Variants in JAM3 observed in about 807,000 individuals in gnomAD.
JAM3 encodes the protein junctional adhesion molecule C.
In JAM3, 31 loss-of-function variants were observed where a neutral mutation model predicts 39.4. The observed-to-expected ratio is 0.79, with a 90% CI of 0.59 to 1.06. JAM3 has a LOEUF of 1.06. Among genes scored for constraint, JAM3 ranks in the 50% least tolerant of loss-of-function variants. The pLI, the probability that JAM3 is intolerant of heterozygous loss-of-function variation, is 0.00. For synonymous variants in JAM3, 182 were observed against 148.7 expected, an observed-to-expected ratio of 1.22 and a Z score of -1.63; for missense variants, 455 against 391.4, an observed-to-expected ratio of 1.16 and a Z score of -1.37.
intron 1 of JAM3, among the ~76,000 whole-genome samples, chr11:134,117,919 G>T (rs1031228886): frequency 1.2e-4 from 18 of 152,194 alleles, no homozygotes; most frequent in Admixed American, 2.6e-4. Flanking sequence ...CTGGATGGGG[G>T]TTAATGCAGA....
chr11:134,121,849 A>ACACC (rs1942539418), intron 1 of JAM3, among the ~76,000 whole-genome samples: 8 of 151,760 alleles, frequency 5.3e-5, no homozygotes, highest in African/African-American at 1.9e-4. Flanking sequence ...ACACACACAC[A>ACACC]CACCCTCCTC....
chr11:134,101,823 T>G (rs1213482217), intron 1 of JAM3, among the ~76,000 whole-genome samples: 1 of 152,190 alleles, frequency 6.6e-6, no homozygotes, highest in African/African-American at 2.4e-5. Context: ...TCCTAGTATT[T>G]TGGGGGGCTG....
intron 2 of JAM3, 24 bp downstream of exon 2, chr11:134,139,940 G>C (rs2120853719): frequency 6.4e-7 from 1 of 1,551,618 alleles, no homozygotes; most frequent in East Asian, 2.2e-5. Context: ...AAATGCCTAG[G>C]ATAATGGGCA....
chr11:134,112,920 A>T (rs1220853525), intron 1 of JAM3, among the ~76,000 whole-genome samples: 1 of 152,168 alleles, frequency 6.6e-6, no homozygotes, highest in Non-Finnish European at 1.5e-5. Flanking sequence ...ACCAAAGAGA[A>T]AGTTATATAT....
At chr11:134,101,855 T>TCAGGAGTTTGAGACTA (rs1290619553) in intron 1 of JAM3, among the ~76,000 whole-genome samples, 3 of 152,060 alleles carry the variant, frequency 2.0e-5, no homozygotes, top group African/African-American at 7.2e-5. Flanking sequence ...TTGCCTGAGG[T>TCAGGAGTTTGAGACTA]CAGGAGTTTG....
At chr11:134,115,392 T>A (rs1267910127) in intron 1 of JAM3, among the ~76,000 whole-genome samples, 3 of 151,314 alleles carry the variant, frequency 2.0e-5, no homozygotes, top group Non-Finnish European at 4.4e-5. Context: ...GTCTTTTCTC[T>A]TGCATTTGTT....
chr11:134,143,138 T>C (rs1943005726), intron 3 of JAM3, among the ~76,000 whole-genome samples: 2 of 152,184 alleles, frequency 1.3e-5, no homozygotes, highest in African/African-American at 2.4e-5. Context: ...AGTCTTACAG[T>C]AGTTGCATGT....
At chr11:134,122,276 G>T (rs1450976776) in intron 1 of JAM3, among the ~76,000 whole-genome samples, 2 of 152,188 alleles carry the variant, frequency 1.3e-5, no homozygotes, top group Non-Finnish European at 2.9e-5. Context: ...GCTCTGCACA[G>T]CAAATTCCAG....
chr11:134,129,725 G>A (rs1484137401), intron 1 of JAM3, among the ~76,000 whole-genome samples: 2 of 152,234 alleles, frequency 1.3e-5, no homozygotes, highest in Non-Finnish European at 2.9e-5. Flanking sequence ...TAAGAGGCCA[G>A]GCGTGATGGC....
At chr11:134,148,853 C>T (rs539233593) in intron 8 of JAM3, 35 bp downstream of exon 8, 1 of 1,604,574 alleles carries the variant, frequency 6.2e-7, no homozygotes, top group Non-Finnish European at 8.5e-7. Context: ...CCTAGGTGTA[C>T]CCAGCAGGGA....
At chr11:134,127,237 G>T (rs866041634) in intron 1 of JAM3, among the ~76,000 whole-genome samples, 1 of 152,128 alleles carries the variant, frequency 6.6e-6, no homozygotes, top group African/African-American at 2.4e-5. Context: ...CCACATCATC[G>T]GTTGTAAATT....
intron 8 of JAM3, 111 bp downstream of exon 8, chr11:134,148,929 C>G: frequency 9.1e-7 from 1 of 1,099,296 alleles, no homozygotes; most frequent in Admixed American, 1.9e-5. Context: ...TTGTGCAGCT[C>G]CTGAGCTCCT....
At position 134,151,509 on chromosome 11, in the gene JAM3, G is replaced by A. The variant is rs977643638; in HGVS notation, c.*2328G>A. Reference sequence around the variant, plus strand: ...TCTACACTAGTGCCATGGGAACCAGGTCTGAAAAAGTAGAGAGAAGTGAAA... The same window carrying A: ...TCTACACTAGTGCCATGGGAACCAGATCTGAAAAAGTAGAGAGAAGTGAAA... On this transcript the variant is annotated 3_prime_UTR_variant, in exon 9 of 9. Coordinates refer to ENST00000299106, the MANE Select transcript of JAM3 (RefSeq NM_032801.5). The A allele has an allele frequency of 6.6e-6, 1 of 152,192 alleles. No homozygotes were observed. Among genetic ancestry groups the A allele is most frequent in the Non-Finnish European group, 1.5e-5 (1 of 68,038 alleles). 9.4% of individuals were successfully genotyped at this position (152,192 alleles called of 1,614,324 possible).
intron 1 of JAM3, among the ~76,000 whole-genome samples, chr11:134,099,395 C>T (rs966851133): frequency 2.0e-5 from 3 of 152,054 alleles, no homozygotes; most frequent in African/African-American, 7.2e-5. Flanking sequence ...TTTTTCTCTC[C>T]TACTCCTCAC....
intron 1 of JAM3, among the ~76,000 whole-genome samples, chr11:134,108,403 GA>G (rs550838316): frequency 8.7e-4 from 132 of 152,094 alleles, no homozygotes; most frequent in African/African-American, 3.2e-3. Flanking sequence ...CCAACAAAGT[GA>G]AAAGAAAGAA....
At chr11:134,139,028 T>C (rs74958974) in intron 1 of JAM3, among the ~76,000 whole-genome samples, 3 of 152,148 alleles carry the variant, frequency 2.0e-5, no homozygotes, top group Admixed American at 2.0e-4. Context: ...AAGGCCTTCT[T>C]TGGGGATGGC....
At chr11:134,105,491 G>T (rs1316094863) in intron 1 of JAM3, among the ~76,000 whole-genome samples, 3 of 152,152 alleles carry the variant, frequency 2.0e-5, no homozygotes, top group African/African-American at 7.2e-5. Context: ...AGTGTTGGAA[G>T]TTCTGGCCAG....
intron 1 of JAM3, among the ~76,000 whole-genome samples, chr11:134,115,863 C>G (rs1362433871): frequency 1.3e-5 from 2 of 152,130 alleles, no homozygotes; most frequent in Non-Finnish European, 2.9e-5. Context: ...CGCCACTACA[C>G]TCAAGCCTGG....
At chr11:134,127,872 G>A (rs984641682) in intron 1 of JAM3, among the ~76,000 whole-genome samples, 13 of 152,144 alleles carry the variant, frequency 8.5e-5, no homozygotes, top group African/African-American at 2.7e-4. Flanking sequence ...TCAGTATTCA[G>A]GGGACCTCTC....
Sources: allele counts gnomAD v4.1 joint callset (sites outside exome capture counted in the v4.1 genomes callset), GRCh38; gene constraint gnomAD v4.1.1; transcripts MANE v1.5; gene names NCBI Gene and HGNC (gene_info 2026-07-23, HGNC 2026-07-21).